SLC35C1: variants seen among roughly 807,000 people sequenced by gnomAD.
SLC35C1 encodes GDP-fucose transporter 1.
Under a neutral mutation model 23.2 loss-of-function variants are expected in SLC35C1, and 8 were observed. The ratio of observed to expected loss-of-function variants is 0.35; its 90% confidence interval spans 0.20 to 0.62. The LOEUF (loss-of-function observed/expected upper bound fraction) is 0.62. SLC35C1 is among the 20% of genes least tolerant of loss of function. The pLI, the probability that SLC35C1 is intolerant of heterozygous loss-of-function variation, is 0.75. For synonymous variants in SLC35C1, 226 were observed against 225.1 expected, an observed-to-expected ratio of 1.00 and a Z score of -0.04; for missense variants, 422 against 478.6, an observed-to-expected ratio of 0.88 and a Z score of 1.10.
Position 45,811,184 on chromosome 11 carries a change from A to G in SLC35C1, c.944A>G (p.Tyr315Cys). The G allele has an allele frequency of 6.2e-7, 1 of 1,612,064 alleles. No individual in the cohort carries two copies. The highest frequency in any genetic ancestry group is 8.5e-7 in the Non-Finnish European group (1 of 1,179,780). Residue 315 changes from tyrosine to cysteine, a missense_variant, in exon 2 of 2, where the codon TAC becomes TGC. Physicochemically the swap from Tyr to Cys is radical, Grantham distance 194. Coordinates refer to ENST00000314134, the MANE Select transcript of SLC35C1 (RefSeq NM_018389.5). Reference protein sequence around the residue: ...CAQTVLAVLYYEETKSFLWWT... With the variant: ...CAQTVLAVLYCEETKSFLWWT... ...CAGACAGTGCTGGCCGTGCTCTACTACGAGGAGACCAAGAGCTTCCTCTGG... is the reference window on the plus strand; with the variant it reads ...CAGACAGTGCTGGCCGTGCTCTACTGCGAGGAGACCAAGAGCTTCCTCTGG...
chr11:45,805,580 C>T lies in SLC35C1; in HGVS notation c.-222C>T. 6.9e-7 allele frequency: 1 copy of T among 1,453,550 alleles called. No homozygotes were observed. The highest frequency in any genetic ancestry group is 2.5e-5 in the East Asian group (1 of 39,816). The allele number at this position is 1,453,550 out of a possible 1,614,324, so 90.0% of individuals were successfully genotyped here. On this transcript the variant is annotated 5_prime_UTR_variant, in exon 1 of 2. Transcript: ENST00000314134. ...CTCTCCCTTGCCCTGTGTCTTGTCTCAGAGCCCCCTCGGGGTGGGAGTAGG... is the reference window on the plus strand; with the variant it reads ...CTCTCCCTTGCCCTGTGTCTTGTCTTAGAGCCCCCTCGGGGTGGGAGTAGG...
In SLC35C1 at chr11:45,810,094, A is replaced by G. The variant is rs536572175; in HGVS notation, c.536-682A>G. ...GACGAGCAGGGAAGCTGGGGCGACC[A>G]TAGGACAGAGGAAGGGCCTGCACCC... On this transcript the variant is annotated intron_variant, in intron 1 of 1. Transcript: ENST00000314134. The G allele has an allele frequency of 7.5e-4, 742 of 985,442 alleles. 2 individuals are homozygous for G. Among genetic ancestry groups the G allele is most frequent in the African/African-American group, 2.9e-3 (167 of 57,362 alleles). 61.0% of individuals were successfully genotyped at this position (985,442 alleles called of 1,614,324 possible). A position where few individuals can be genotyped will look rare whatever the true frequency, so the allele number is the denominator to read the frequency against.
At chr11:45,804,692 G>A (rs1029697195), upstream of SLC35C1, 2 of 985,512 alleles carry the variant, frequency 2.0e-6, no homozygotes, top group Non-Finnish European at 2.4e-6. Flanking sequence ...GTGAAAATGG[G>A]GGGAAAGGAG....
intron 1 of SLC35C1, 41 bp from the exon 2 acceptor site, chr11:45,810,735 C>A: frequency 6.3e-7 from 1 of 1,595,534 alleles, no homozygotes; most frequent in Non-Finnish European, 8.5e-7. Flanking sequence ...GTCCTCATCC[C>A]TCTTCCTCAC....
chr11:45,805,552 T>C lies in SLC35C1; in HGVS notation c.-250T>C. The C allele has an allele frequency of 1.4e-6, 2 of 1,422,176 alleles. No homozygotes were observed. The highest frequency in any genetic ancestry group is 1.4e-5 in the South Asian group (1 of 69,024). 88.1% of individuals were successfully genotyped at this position (1,422,176 alleles called of 1,614,324 possible). ...GTCCTGGCCTCACCGCCTTATCCTA[T>C]TCCTCTCCCTTGCCCTGTGTCTTGT... is the stretch of plus-strand genomic sequence containing the variant. On this transcript the variant is annotated 5_prime_UTR_variant, in exon 1 of 2. Transcript: ENST00000314134.
chr11:45,806,123 C>T lies in SLC35C1; in HGVS notation c.322C>T (p.Arg108Cys), dbSNP rs1177752624. 4 of 1,608,866 alleles carry T rather than the reference C, an allele frequency of 2.5e-6. No homozygotes were observed. Among genetic ancestry groups the T allele is most frequent in the East Asian group, 2.2e-5 (1 of 44,876 alleles). Residue 108 changes from arginine to cysteine, a missense_variant, in exon 1 of 2, where the codon CGC becomes TGC. Coordinates refer to ENST00000314134, the MANE Select transcript of SLC35C1 (RefSeq NM_018389.5). ...CPGAVDFPSL[R>C]LDLRVARSVL... ...TGGTGCCGTGGACTTCCCCAGCTTG[C>T]GCCTGGACCTCAGGGTGGCCCGCAG...
At chr11:45,808,633 GCCCCCCTCACCCTA>G (rs1435156595) in intron 1 of SLC35C1, among the ~76,000 whole-genome samples, 1 of 152,204 alleles carries the variant, frequency 6.6e-6, no homozygotes, top group Non-Finnish European at 1.5e-5. Context: ...GCAGCCCTCT[GCCCCCCTCACCCTA>G]CCCCCAGCAG....
rs995688545 is a variant in SLC35C1, at chr11:45,806,167, G to T, written c.366G>T (p.Val122=). 6 of 1,605,674 alleles carry T rather than the reference G, an allele frequency of 3.7e-6. No individual in the cohort carries two copies. In the Admixed American group the frequency reaches 5.0e-5, roughly 13 times the overall value. ...CCCGCAGCGTCCTGCCCCTGTCGGT[G>T]GTCTTCATCGGCATGATCACCTTCA... is the stretch of plus-strand genomic sequence containing the variant. ...RVARSVLPLS[V]VFIGMITFNN... is the part of the protein sequence containing the mutation. Residue 122 remains valine, a synonymous_variant, in exon 1 of 2, where the codon GTG becomes GTT. Coordinates refer to ENST00000314134, the MANE Select transcript of SLC35C1 (RefSeq NM_018389.5).
chr11:45,811,431 C>A lies in SLC35C1; in HGVS notation c.*96C>A. On this transcript the variant is annotated 3_prime_UTR_variant, in exon 2 of 2. Transcript: ENST00000314134. ...CGGTCTCCTGGACCCCAGAAGCGTG[C>A]TGTGGTGTGGACTGGGTGCTACTTA... The A allele has an allele frequency of 9.3e-7, 1 of 1,071,066 alleles. No individual in the cohort carries two copies. Among genetic ancestry groups the A allele is most frequent in the African/African-American group, 1.6e-5 (1 of 62,876 alleles). The allele number at this position is 1,071,066 out of a possible 1,614,324, so 66.3% of individuals were successfully genotyped here.
Position 45,806,325 on chromosome 11 carries a change from G to A in SLC35C1, c.524G>A (p.Gly175Asp). ...TTSFYALLTC[G>D]IIIGGFWLGV... ...TCCTTCTATGCCCTGCTCACCTGCG[G>A]TATCATCATCGGTGAGTGGCAGCTG... Residue 175 changes from glycine to aspartate, a missense_variant, in exon 1 of 2, where the codon GGT (glycine) becomes GAT (aspartate). Physicochemically the swap from Gly to Asp is moderately conservative, Grantham distance 94. Transcript: ENST00000314134. 1.2e-6 allele frequency: 2 copies of A among 1,612,740 alleles called. No homozygotes were observed. Among genetic ancestry groups the A allele is most frequent in the Non-Finnish European group, 1.7e-6 (2 of 1,180,008 alleles).
At chr11:45,808,810 T>C (rs1431866930) in intron 1 of SLC35C1, among the ~76,000 whole-genome samples, 3 of 152,030 alleles carry the variant, frequency 2.0e-5, no homozygotes, top group Non-Finnish European at 4.4e-5. Context: ...CAAGACCAGC[T>C]TGGCCAACAT....
chr11:45,807,565 T>G (rs1279231744), intron 1 of SLC35C1, among the ~76,000 whole-genome samples: 2 of 152,194 alleles, frequency 1.3e-5, no homozygotes, highest in African/African-American at 4.8e-5. Flanking sequence ...AAAGTTTATC[T>G]TATTTGGCCT....
At chr11:45,807,056 T>A (rs1057327809) in intron 1 of SLC35C1, 6 of 273,606 alleles carry the variant, frequency 2.2e-5, no homozygotes, top group Non-Finnish European at 3.3e-5. Context: ...CTCCCAGAGA[T>A]CCCCTGGGTT....
rs2085864766 is a variant in SLC35C1, at chr11:45,805,829, A to G, written c.28A>G (p.Arg10Gly). MNRAPLKRSRILHMALTGAS... is the reference protein window; with the variant it reads MNRAPLKRSGILHMALTGAS... Reference sequence around the variant, plus strand: ...GAATAGGGCCCCTCTGAAGCGGTCCAGGATCCTGCACATGGCGCTGACCGG... The same window carrying G: ...GAATAGGGCCCCTCTGAAGCGGTCCGGGATCCTGCACATGGCGCTGACCGG... Residue 10 changes from arginine to glycine, a missense_variant, in exon 1 of 2, where the codon AGG becomes GGG. Coordinates refer to ENST00000314134, the MANE Select transcript of SLC35C1 (RefSeq NM_018389.5). 1.2e-6 allele frequency: 2 copies of G among 1,613,858 alleles called. No homozygotes were observed. Among genetic ancestry groups the G allele is most frequent in the African/African-American group, 1.3e-5 (1 of 74,940 alleles).
chr11:45,806,435 C>A, intron 1 of SLC35C1, 99 bp downstream of exon 1: 1 of 1,449,698 alleles, frequency 6.9e-7, no homozygotes, highest in Non-Finnish European at 9.4e-7. Flanking sequence ...TCTGTCCCAG[C>A]TCCTTTGGTG....
At chr11:45,808,263 G>A (rs930673826) in intron 1 of SLC35C1, among the ~76,000 whole-genome samples, 4 of 152,164 alleles carry the variant, frequency 2.6e-5, no homozygotes, top group Non-Finnish European at 5.9e-5. Context: ...ACTTTGGGAG[G>A]CTGAGGCAGG....
intron 1 of SLC35C1, among the ~76,000 whole-genome samples, chr11:45,808,181 C>T (rs1175876705): frequency 6.6e-6 from 1 of 152,146 alleles, no homozygotes; most frequent in East Asian, 1.9e-4. Flanking sequence ...CCCTCCTAGC[C>T]CCCCATGTCA....
At position 45,811,631 on chromosome 11, in the gene SLC35C1, C is replaced by G; in HGVS notation, c.*296C>G. 3.1e-6 allele frequency: 1 copy of G among 326,236 alleles called. No individual in the cohort carries two copies. Among genetic ancestry groups the G allele is most frequent in the Non-Finnish European group, 5.6e-6 (1 of 177,278 alleles). 20.2% of individuals were successfully genotyped at this position (326,236 alleles called of 1,614,324 possible). Reference sequence around the variant, plus strand: ...GGGAGCACCCTAGTGAGAGTTGAACCCCTTCCTTCTGCCTCCAGGGCCTGT... The same window carrying G: ...GGGAGCACCCTAGTGAGAGTTGAACGCCTTCCTTCTGCCTCCAGGGCCTGT... On this transcript the variant is annotated 3_prime_UTR_variant, in exon 2 of 2. Transcript: ENST00000314134.
At chr11:45,808,911 G>A (rs867305143) in intron 1 of SLC35C1, among the ~76,000 whole-genome samples, 2 of 152,188 alleles carry the variant, frequency 1.3e-5, no homozygotes, top group Non-Finnish European at 2.9e-5. Flanking sequence ...GCTGAGGCAC[G>A]AGAATCGCTT....
Sources: gnomAD v4.1 joint callset for allele counts (sites outside exome capture counted in the v4.1 genomes callset) on GRCh38, gnomAD v4.1.1 for gene constraint, MANE v1.5 for transcripts, NCBI Gene and HGNC (gene_info 2026-07-23, HGNC 2026-07-21) for gene names.